Variants in EYS observed in about 807,000 individuals in gnomAD.
EYS encodes the protein protein eyes shut homolog.
In EYS, 250 loss-of-function variants were observed where a neutral mutation model predicts 282.1. The ratio of observed to expected loss-of-function variants is 0.89; its 90% CI spans 0.80 to 0.98. The LOEUF (loss-of-function observed/expected upper bound fraction) is 0.98, where lower values mean the gene tolerates loss of function less well. Ranked by LOEUF, EYS falls within the 50% of genes least tolerant of loss-of-function variation. The pLI is 0.00. For missense variants in EYS, 4,016 were observed against 3,709.0 expected (o/e 1.08, Z -2.15); for synonymous variants, 1,355 against 1,282.9 (o/e 1.06, Z -1.20).
chr6:65,498,116 A>G (rs1766318494), intron 2 of EYS, among the ~76,000 whole-genome samples: 1 of 152,056 alleles, frequency 6.6e-6, no homozygotes, highest in Non-Finnish European at 1.5e-5. Context: ...AAGAAAATCC[A>G]GGAAGACCAG....
chr6:65,465,024 G>T (rs915613964), intron 5 of EYS, among the ~76,000 whole-genome samples: 9 of 152,034 alleles, frequency 5.9e-5, no homozygotes, highest in Admixed American at 1.3e-4. Context: ...ATAGAGAATA[G>T]AACCATTGTT....
chr6:64,353,453 A>G (rs978296501), intron 29 of EYS, among the ~76,000 whole-genome samples: 14 of 151,628 alleles, frequency 9.2e-5, no homozygotes, highest in African/African-American at 3.4e-4. Context: ...AATACAGTCA[A>G]CTTAAAAGAT....
chr6:65,313,807 C>A (rs1285497668), intron 11 of EYS, among the ~76,000 whole-genome samples: 2 of 152,136 alleles, frequency 1.3e-5, no homozygotes, highest in Non-Finnish European at 2.9e-5. Context: ...CTCAATGTAG[C>A]AGTCAAAGCA....
At chr6:65,258,672 T>A (rs574503739) in intron 12 of EYS, among the ~76,000 whole-genome samples, 3 of 152,188 alleles carry the variant, frequency 2.0e-5, no homozygotes, top group Non-Finnish European at 4.4e-5. Context: ...CTGGTTCTAG[T>A]ACCTACAGAG....
At chr6:65,283,906 T>C (rs1253587391) in intron 12 of EYS, among the ~76,000 whole-genome samples, 4 of 152,156 alleles carry the variant, frequency 2.6e-5, no homozygotes, top group Admixed American at 2.0e-4. Flanking sequence ...ACAATCTAAA[T>C]AATTGCTTAC....
chr6:64,607,954 G>A (rs1051443759), intron 24 of EYS, among the ~76,000 whole-genome samples: 2 of 152,098 alleles, frequency 1.3e-5, no homozygotes, highest in African/African-American at 4.8e-5. Flanking sequence ...TCATTCAATA[G>A]GGTAAAGTAT....
Position 64,119,387 on chromosome 6 carries a change from C to A in EYS, c.6425-37385G>T, listed in dbSNP as rs565954943. Among the ~76,000 whole-genome samples the A allele has an allele frequency of 2.0e-5, 3 of 152,252 alleles. No individual in the cohort carries two copies. The South Asian group carries it at 6.2e-4, about 32-fold the overall frequency. ...ATTTCATGCAACTTCCTAATGGCCG[C>A]TTTGATACAGCATAAGTATAATCAC... On this transcript the variant is annotated intron_variant, in intron 31 of 42. Transcript: ENST00000503581.
chr6:63,841,794 G>A (rs922055369), intron 36 of EYS, among the ~76,000 whole-genome samples: 1 of 152,090 alleles, frequency 6.6e-6, no homozygotes, highest in Non-Finnish European at 1.5e-5. Flanking sequence ...CGTGTGTGAT[G>A]TTCCCCTCCC....
chr6:64,187,284 C>G (rs186314886), intron 31 of EYS, among the ~76,000 whole-genome samples: 1 of 152,050 alleles, frequency 6.6e-6, no homozygotes, highest in Non-Finnish European at 1.5e-5. Flanking sequence ...CACAGTGAAG[C>G]ATCTCTTTTC....
intron 19 of EYS, among the ~76,000 whole-genome samples, chr6:64,883,227 A>T (rs978895284): frequency 6.6e-6 from 1 of 151,502 alleles, no homozygotes; most frequent in African/African-American, 2.4e-5. Context: ...AGTTATCTCA[A>T]GCAGAAAATA....
At position 64,108,706 on chromosome 6, in the gene EYS, T is replaced by A. The variant is rs1773110731; in HGVS notation, c.6425-26704A>T. Among the ~76,000 whole-genome samples the A allele has an allele frequency of 2.0e-5, 3 of 150,420 alleles. No individual in the cohort carries two copies. In the South Asian group the frequency reaches 6.2e-4, roughly 31 times the overall value. The stretch of plus-strand genomic sequence containing the variant: ...AAGAATGACTCCCACACAGAGGTTC[T>A]ATTCCTGACTGCCATGGTCCCACTT... On this transcript the variant is annotated intron_variant, in intron 31 of 42. Transcript: ENST00000503581.
At chr6:64,206,946 T>G (rs187939730) in intron 31 of EYS, among the ~76,000 whole-genome samples, 1 of 152,234 alleles carries the variant, frequency 6.6e-6, no homozygotes, top group East Asian at 1.9e-4. Flanking sequence ...TACCCATTAG[T>G]TATTTTTCCT....
intron 14 of EYS, among the ~76,000 whole-genome samples, chr6:64,982,672 G>T (rs1770717693): frequency 2.0e-5 from 3 of 151,034 alleles, no homozygotes. Context: ...AAATGATTTT[G>T]AGTGCTTTTA....
chr6:64,429,630 T>G (rs1023744671), intron 28 of EYS, among the ~76,000 whole-genome samples: 1 of 152,126 alleles, frequency 6.6e-6, no homozygotes, highest in African/African-American at 2.4e-5. Flanking sequence ...GATTCTTTCT[T>G]GAGACCCTGT....
intron 31 of EYS, among the ~76,000 whole-genome samples, chr6:64,112,161 C>T (rs114935661): frequency 6.6e-6 from 1 of 151,920 alleles, no homozygotes. Flanking sequence ...TGAGAGAAGG[C>T]AAATTATATA....
At chr6:64,121,104 G>A (rs542180365) in intron 31 of EYS, among the ~76,000 whole-genome samples, 3 of 152,206 alleles carry the variant, frequency 2.0e-5, no homozygotes, top group Admixed American at 6.5e-5. Context: ...AACATCTATG[G>A]ATGTTTGCTC....
At chr6:65,492,026 A>C (rs957535342) in intron 4 of EYS, among the ~76,000 whole-genome samples, 3 of 152,192 alleles carry the variant, frequency 2.0e-5, no homozygotes, top group Admixed American at 6.6e-5. Context: ...GACTTTTGGC[A>C]TCTAAAACTG....
intron 29 of EYS, among the ~76,000 whole-genome samples, chr6:64,383,899 C>T (rs1311113443): frequency 6.6e-6 from 1 of 152,106 alleles, no homozygotes; most frequent in Non-Finnish European, 1.5e-5. Flanking sequence ...CATCCTTTTA[C>T]AGAATATCAT....
At chr6:64,533,092 AG>A (rs1488952156) in intron 26 of EYS, among the ~76,000 whole-genome samples, 1 of 152,224 alleles carries the variant, frequency 6.6e-6, no homozygotes, top group African/African-American at 2.4e-5. Context: ...ATGTATTTGA[AG>A]GGTTCAAAGA....
Sources: gnomAD v4.1 joint callset for allele counts (sites outside exome capture counted in the v4.1 genomes callset) on GRCh38, gnomAD v4.1.1 for gene constraint, MANE v1.5 for transcripts, NCBI Gene and HGNC (gene_info 2026-07-23, HGNC 2026-07-21) for gene names.